Variants in AFG3L2 observed in about 807,000 individuals in gnomAD.
AFG3L2 encodes the protein AFG3 like matrix AAA peptidase subunit 2.
In AFG3L2, 54 loss-of-function variants were observed where a neutral mutation model predicts 94.5. The observed-to-expected ratio is 0.57, with a 90% confidence interval of 0.46 to 0.72. AFG3L2 has a LOEUF of 0.72. Ranked by LOEUF, AFG3L2 falls within the 30% of genes least tolerant of loss-of-function variation. The pLI is 0.00. For synonymous variants in AFG3L2, 377 were observed against 365.5 expected, an observed-to-expected ratio of 1.03 and a Z score of -0.36; for missense variants, 754 against 994.9, an observed-to-expected ratio of 0.76 and a Z score of 3.26.
At chr18:12,355,974 G>A (rs927518506) in intron 9 of AFG3L2, among the ~76,000 whole-genome samples, 5 of 151,820 alleles carry the variant, frequency 3.3e-5, no homozygotes, top group Admixed American at 6.6e-5. Context: ...GCCCGGCCAC[G>A]ATTTCTTCTT....
At position 12,353,006 on chromosome 18, in the gene AFG3L2, A is replaced by G. The variant is rs777112447; in HGVS notation, c.1317T>C (p.Asp439=). The change falls in exon 10 of 17, where the codon GAT becomes GAC. Residue 439 remains aspartate, a splice_region_variant and synonymous_variant. Coordinates refer to ENST00000269143, the MANE Select transcript of AFG3L2 (RefSeq NM_006796.3). ...NTLNQLLVEM[D]GFNTTTNVVI... ...GATACAAAAGCCTTGACCACTCACC[A>G]TCCATCTCCACCAGCAGCTGGTTGA... The G allele has an allele frequency of 1.2e-6, 2 of 1,613,102 alleles. No homozygotes were observed. Among genetic ancestry groups the G allele is most frequent in the African/African-American group, 2.7e-5 (2 of 74,698 alleles).
Position 12,360,069 on chromosome 18 carries a change from C to T in AFG3L2, c.628-18G>A, listed in dbSNP as rs755523495. The stretch of plus-strand genomic sequence containing the variant: ...ACGTATTGCTATAAAAACAAAAAAA[C>T]AAATATCCTAAGAATGTAGTGAAAC... On this transcript the variant is annotated intron_variant, in intron 6 of 16. Coordinates refer to ENST00000269143, the MANE Select transcript of AFG3L2 (RefSeq NM_006796.3). 1.2e-6 allele frequency: 2 copies of T among 1,612,454 alleles called. No individual in the cohort carries two copies. Among genetic ancestry groups the T allele is most frequent in the Non-Finnish European group, 1.7e-6 (2 of 1,178,742 alleles).
chr18:12,369,003 T>C (rs970092903), intron 3 of AFG3L2, among the ~76,000 whole-genome samples: 1 of 152,052 alleles, frequency 6.6e-6, no homozygotes, highest in South Asian at 2.1e-4. Context: ...CTATGTAACA[T>C]GTGGCTTCAT....
At chr18:12,350,611 T>C (rs1908285026) in intron 12 of AFG3L2, among the ~76,000 whole-genome samples, 1 of 152,228 alleles carries the variant, frequency 6.6e-6, no homozygotes, top group African/African-American at 2.4e-5. Flanking sequence ...CATTACACCA[T>C]TTCCTCAAAA....
intron 3 of AFG3L2, among the ~76,000 whole-genome samples, chr18:12,369,962 G>A (rs1289799797): frequency 6.7e-6 from 1 of 149,374 alleles, no homozygotes; most frequent in Non-Finnish European, 1.5e-5. Context: ...GGCTGAGGCA[G>A]GAGAATGGTG....
chr18:12,347,126 C>CA (rs1310095923), intron 13 of AFG3L2, among the ~76,000 whole-genome samples: 9 of 151,886 alleles, frequency 5.9e-5, no homozygotes, highest in Non-Finnish European at 1.5e-5. Flanking sequence ...GACTCTGTCT[C>CA]AAAAAACAAA....
chr18:12,361,895 G>C (rs1472085035), intron 6 of AFG3L2, among the ~76,000 whole-genome samples: 1 of 152,214 alleles, frequency 6.6e-6, no homozygotes, highest in Non-Finnish European at 1.5e-5. Flanking sequence ...AACCACAGAG[G>C]ATGGAACATT....
intron 7 of AFG3L2, 118 bp downstream of exon 7, chr18:12,359,809 G>T: frequency 7.4e-7 from 1 of 1,350,850 alleles, no homozygotes; most frequent in Non-Finnish European, 1.0e-6. Context: ...TAAAAATCTG[G>T]CCAAACTGAT....
Position 12,363,787 on chromosome 18 carries a change from C to G in AFG3L2, c.622G>C (p.Asp208His). ...CAATTAATAAAATGATTTACCCCAT[C>G]AACAGGAGTTTTTCCTGGTGTAAAG... ...VTFTPGKTPV[D>H]GQYVWFNIGS... Residue 208 changes from aspartate (D) to histidine (H), a missense_variant, in exon 6 of 17, where the codon GAT becomes CAT. Asp to His is a moderately conservative substitution (Grantham distance 81). Transcript: ENST00000269143. 1 of 1,611,338 alleles carries G rather than the reference C, an allele frequency of 6.2e-7. No homozygotes were observed. Among genetic ancestry groups the G allele is most frequent in the Non-Finnish European group, 8.5e-7 (1 of 1,178,452 alleles).
intron 14 of AFG3L2, chr18:12,341,794 T>C (rs1907961067): frequency 6.6e-6 from 1 of 152,208 alleles, no homozygotes; most frequent in Non-Finnish European, 1.5e-5. Flanking sequence ...GAAGTGTTCG[T>C]CTACCTTAAT....
At chr18:12,346,220 C>A (rs1481896460) in intron 13 of AFG3L2, among the ~76,000 whole-genome samples, 3 of 152,144 alleles carry the variant, frequency 2.0e-5, no homozygotes, top group Admixed American at 1.3e-4. Flanking sequence ...TGCTGACTCA[C>A]CTTTCTCTCC....
Position 12,340,243 on chromosome 18 carries a change from A to G in AFG3L2, c.1938T>C (p.Ala646=), listed in dbSNP as rs767681852. ...EIFFGRITTG[A]QDDLRKVTQS... ...GAGTTACTTTTCTCAAGTCATCTTG[A>G]GCACCAGTTGTAATTCTTCCAAAGA... Residue 646 remains alanine, a synonymous_variant, in exon 15 of 17, where the codon GCT becomes GCC. Transcript: ENST00000269143. 1.7e-5 allele frequency: 27 copies of G among 1,614,018 alleles called. No homozygotes were observed. The highest frequency in any genetic ancestry group is 2.3e-5 in the Non-Finnish European group (27 of 1,180,042).
rs150224434 is a variant in AFG3L2, at chr18:12,329,186, A to T, written c.*379T>A. ...GAACTGAGGAGAAACAGGAATGAAGAGTGGGCGACAAAGAGAAAGCATCCC... is the reference window on the plus strand; with the variant it reads ...GAACTGAGGAGAAACAGGAATGAAGTGTGGGCGACAAAGAGAAAGCATCCC... On this transcript the variant is annotated 3_prime_UTR_variant, in exon 17 of 17. Transcript: ENST00000269143. 147 of 703,034 alleles carry T rather than the reference A, an allele frequency of 2.1e-4. 2 individuals are homozygous for T. The African/African-American group carries it at 2.3e-3, about 11-fold the overall frequency. 43.5% of individuals were successfully genotyped at this position (703,034 alleles called of 1,614,324 possible). A position where few individuals can be genotyped will look rare whatever the true frequency, so the allele number is the denominator to read the frequency against.
intron 16 of AFG3L2, among the ~76,000 whole-genome samples, chr18:12,331,809 AT>A (rs1907536713): frequency 8.2e-3 from 3 of 368 alleles, no homozygotes; most frequent in African/African-American, 0.021. Flanking sequence ...AAATAAATAA[AT>A]ATATATATAT....
intron 16 of AFG3L2, among the ~76,000 whole-genome samples, chr18:12,334,299 C>T (rs928291645): frequency 4.6e-5 from 7 of 152,236 alleles, no homozygotes; most frequent in Non-Finnish European, 8.8e-5. Context: ...TTTCAATAAA[C>T]AGACCTTAGT....
intron 1 of AFG3L2, among the ~76,000 whole-genome samples, chr18:12,375,305 G>C (rs1164575124): frequency 1.4e-5 from 2 of 141,990 alleles, no homozygotes; most frequent in Non-Finnish European, 3.0e-5. Flanking sequence ...CTGGAGTACA[G>C]CAATGCAATC....
Position 12,329,014 on chromosome 18 carries a change from A to G in AFG3L2, c.*551T>C. On this transcript the variant is annotated 3_prime_UTR_variant, in exon 17 of 17. Transcript: ENST00000269143. Reference sequence around the variant, plus strand: ...GAAGCCATATTTACATAATACATTCATATTTTTAAGTATGTTACAGCTCCT... The same window carrying G: ...GAAGCCATATTTACATAATACATTCGTATTTTTAAGTATGTTACAGCTCCT... 1 of 620,092 alleles carries G rather than the reference A, an allele frequency of 1.6e-6. No homozygotes were observed. The highest frequency in any genetic ancestry group is 2.9e-6 in the Non-Finnish European group (1 of 347,742). The allele number at this position is 620,092 out of a possible 1,614,324, so 38.4% of individuals were successfully genotyped here. A position where few individuals can be genotyped will look rare whatever the true frequency, so the allele number is the denominator to read the frequency against.
chr18:12,357,605 CT>C (rs879347095), intron 8 of AFG3L2, among the ~76,000 whole-genome samples: 89 of 146,644 alleles, frequency 6.1e-4, no homozygotes, highest in Admixed American at 9.6e-4. Context: ...AAACAATACA[CT>C]TTTTTTTTTT....
chr18:12,337,151 A>G (rs764787501), intron 16 of AFG3L2, 190 bp downstream of exon 16: 59 of 646,164 alleles, frequency 9.1e-5, no homozygotes, highest in African/African-American at 6.3e-4. Flanking sequence ...GACAGTGTCA[A>G]CTTCTGCTCA....
Sources: allele counts gnomAD v4.1 joint callset (sites outside exome capture counted in the v4.1 genomes callset), GRCh38; gene constraint gnomAD v4.1.1; transcripts MANE v1.5; gene names NCBI Gene and HGNC (gene_info 2026-07-23, HGNC 2026-07-21).